The following PCSK5 variants were observed in gnomAD, a reference collection of about 807,000 sequenced individuals.
PCSK5 encodes the protein proprotein convertase subtilisin/kexin type 5.
In PCSK5, 129 loss-of-function variants were observed where a neutral mutation model predicts 233.2. The ratio of observed to expected loss-of-function variants is 0.55; its 90% confidence interval spans 0.48 to 0.64. The LOEUF is 0.64. Ranked by LOEUF, PCSK5 falls within the 30% of genes least tolerant of loss-of-function variation. The pLI is 0.00. For synonymous variants in PCSK5, 825 were observed against 879.2 expected (o/e 0.94, Z 1.09); for missense variants, 2,076 against 2,430.1 (o/e 0.85, Z 3.06).
At chr9:76,073,798 A>T (rs1161732024) in intron 7 of PCSK5, among the ~76,000 whole-genome samples, 1 of 152,208 alleles carries the variant, frequency 6.6e-6, no homozygotes, top group Non-Finnish European at 1.5e-5. Flanking sequence ...CTGAAGCAGA[A>T]CACATGAACC....
Position 76,126,744 on chromosome 9 carries a change from T to C in PCSK5, c.1209-7365T>C, listed in dbSNP as rs1832868653. ...GTGAGAGCTAAGTAATGTGTGCACA[T>C]GGATGTCGAGTGTGGGATGATGGAC... is the stretch of plus-strand genomic sequence containing the variant. On this transcript the variant is annotated intron_variant, in intron 9 of 37. Coordinates refer to ENST00000674117, the MANE Select transcript of PCSK5 (RefSeq NM_001372043.1). Among the ~76,000 whole-genome samples the C allele has an allele frequency of 2.0e-5, 3 of 152,166 alleles. No individual in the cohort carries two copies. In the South Asian group the frequency reaches 6.2e-4, roughly 32 times the overall value.
chr9:76,111,712 A>G (rs1420689935), intron 9 of PCSK5, among the ~76,000 whole-genome samples: 2 of 152,186 alleles, frequency 1.3e-5, no homozygotes, highest in African/African-American at 4.8e-5. Context: ...CTAACTCAAA[A>G]AGTTCAAATA....
intron 3 of PCSK5, among the ~76,000 whole-genome samples, chr9:75,986,878 A>G (rs1282694429): frequency 6.6e-6 from 1 of 152,206 alleles, no homozygotes; most frequent in Non-Finnish European, 1.5e-5. Context: ...CTTTGAAAAC[A>G]TACATCTCTA....
At chr9:76,289,216 C>T (rs1011052045) in intron 24 of PCSK5, among the ~76,000 whole-genome samples, 6 of 152,186 alleles carry the variant, frequency 3.9e-5, no homozygotes, top group South Asian at 2.1e-4. Context: ...GGCATCTGCT[C>T]GCATGTTCTC....
intron 20 of PCSK5, chr9:76,193,319 A>G: frequency 6.2e-7 from 1 of 1,612,536 alleles, no homozygotes; most frequent in Non-Finnish European, 8.5e-7. Flanking sequence ...TTCTTCAACA[A>G]CTTTGCTGCA....
chr9:76,326,568 C>T (rs1160989365), intron 32 of PCSK5, among the ~76,000 whole-genome samples: 3 of 152,112 alleles, frequency 2.0e-5, no homozygotes, highest in Non-Finnish European at 4.4e-5. Context: ...GGGCTCAACT[C>T]CTGATACTAC....
Position 76,189,203 on chromosome 9 carries a change from T to C in PCSK5, c.2490T>C (p.Asn830=), listed in dbSNP as rs1256187181. 6.2e-7 allele frequency: 1 copy of C among 1,612,932 alleles called. No individual in the cohort carries two copies. Among genetic ancestry groups the C allele is most frequent in the Admixed American group, 1.7e-5 (1 of 60,014 alleles). ...ATTACTTTGACCACTCTTCAGAGAA[T>C]GGATACAAATCCTGCAAAAAGTAAG... ...ISYYFDHSSE[N]GYKSCKKCDI... Residue 830 remains asparagine, a synonymous_variant, in exon 19 of 38, where the codon AAT becomes AAC. Coordinates refer to ENST00000674117, the MANE Select transcript of PCSK5 (RefSeq NM_001372043.1).
intron 10 of PCSK5, among the ~76,000 whole-genome samples, chr9:76,155,991 A>G (rs910224441): frequency 1.1e-4 from 16 of 152,202 alleles, no homozygotes; most frequent in African/African-American, 3.6e-4. Flanking sequence ...TGCAAGTAGA[A>G]TGGAACTACA....
chr9:76,310,937 A>T, intron 30 of PCSK5, 86 bp downstream of exon 30: 1 of 899,954 alleles, frequency 1.1e-6, no homozygotes, highest in Non-Finnish European at 1.6e-6. Context: ...TCACCAAAAA[A>T]CTCTTCTCTG....
chr9:76,325,555 A>T (rs954044418), intron 32 of PCSK5, among the ~76,000 whole-genome samples: 1 of 152,196 alleles, frequency 6.6e-6, no homozygotes. Flanking sequence ...ATGCTTTGAG[A>T]AGTTAAGCAC....
intron 11 of PCSK5, among the ~76,000 whole-genome samples, chr9:76,158,782 C>G (rs916231110): frequency 7.2e-5 from 11 of 152,192 alleles, no homozygotes; most frequent in Non-Finnish European, 1.6e-4. Context: ...GAACCTTGTT[C>G]CTTTTTCACC....
intron 20 of PCSK5, among the ~76,000 whole-genome samples, chr9:76,214,299 C>CAT (rs1825441852): frequency 6.6e-6 from 1 of 151,164 alleles, no homozygotes; most frequent in Non-Finnish European, 1.5e-5. Context: ...TTCACTCACA[C>CAT]ACACACACGT....
intron 20 of PCSK5, among the ~76,000 whole-genome samples, chr9:76,212,750 C>A (rs1825379185): frequency 6.6e-6 from 1 of 152,178 alleles, no homozygotes; most frequent in Non-Finnish European, 1.5e-5. Context: ...AAACCCTGTG[C>A]TAAGTGCCTT....
chr9:76,351,487 A>G (rs1341193839), intron 36 of PCSK5, among the ~76,000 whole-genome samples: 2 of 62,256 alleles, frequency 3.2e-5, no homozygotes, highest in Non-Finnish European at 8.5e-5. Flanking sequence ...AAAGAAAGAA[A>G]GAAAGAAAGA....
chr9:76,233,644 C>T, intron 22 of PCSK5, 48 bp downstream of exon 22: 1 of 1,543,952 alleles, frequency 6.5e-7, no homozygotes, highest in South Asian at 1.1e-5. Flanking sequence ...ACCTGTTCCT[C>T]TTCTGATGGC....
At chr9:76,310,970 G>A (rs1828849814) in intron 30 of PCSK5, 119 bp downstream of exon 30, 1 of 670,602 alleles carries the variant, frequency 1.5e-6, no homozygotes. Flanking sequence ...CCACATAAAT[G>A]TCCTCTGTTG....
intron 1 of PCSK5, among the ~76,000 whole-genome samples, chr9:75,918,874 A>C (rs376968874): frequency 1.3e-5 from 2 of 152,320 alleles, no homozygotes; most frequent in Admixed American, 6.5e-5. Context: ...TAATCTAAAC[A>C]AATAACTTCT....
At chr9:76,098,191 C>T (rs934800595) in intron 8 of PCSK5, among the ~76,000 whole-genome samples, 45 of 152,242 alleles carry the variant, frequency 3.0e-4, no homozygotes, top group African/African-American at 1.0e-3. Flanking sequence ...GTAAAAATTG[C>T]CTACCCATAT....
At chr9:76,034,480 G>A (rs1828772552) in intron 5 of PCSK5, among the ~76,000 whole-genome samples, 1 of 151,996 alleles carries the variant, frequency 6.6e-6, no homozygotes, top group African/African-American at 2.4e-5. Context: ...TTATTATCGA[G>A]TCTATTCTAC....
Sources: gnomAD v4.1 joint callset for allele counts (sites outside exome capture counted in the v4.1 genomes callset) on GRCh38, gnomAD v4.1.1 for gene constraint, MANE v1.5 for transcripts, NCBI Gene and HGNC (gene_info 2026-07-23, HGNC 2026-07-21) for gene names.